FAF1: variants seen among roughly 807,000 people sequenced by gnomAD.
FAF1 encodes Fas associated factor 1, also known as FAS-associated factor 1.
FAF1 carries 25 observed loss-of-function variants against 92.5 expected under a neutral mutation model. The observed-to-expected ratio is 0.27, with a 90% confidence interval of 0.20 to 0.38. FAF1 has a LOEUF of 0.38. Ranked by LOEUF, FAF1 falls within the 10% of genes least tolerant of loss-of-function variation. The pLI is 1.00. For missense variants in FAF1, 636 were observed against 793.3 expected, an observed-to-expected ratio of 0.80 and a Z score of 2.38; for synonymous variants, 234 against 273.2, an observed-to-expected ratio of 0.86 and a Z score of 1.42.
intron 7 of FAF1, among the ~76,000 whole-genome samples, chr1:50,676,053 C>A (rs1336861570): frequency 1.3e-5 from 2 of 152,202 alleles, no homozygotes; most frequent in Admixed American, 6.5e-5. Context: ...ACATTTCACA[C>A]TGCCAGCCAT....
chr1:50,681,835 G>GT (rs1035147137), intron 7 of FAF1, among the ~76,000 whole-genome samples: 37 of 149,996 alleles, frequency 2.5e-4, no homozygotes, highest in Middle Eastern at 3.5e-3. Context: ...GTTTTTTTTG[G>GT]TTTTTTTTCC....
intron 4 of FAF1, among the ~76,000 whole-genome samples, chr1:50,769,288 T>C (rs1660692090): frequency 1.3e-5 from 2 of 152,122 alleles, no homozygotes; most frequent in African/African-American, 4.8e-5. Context: ...AAAGTGAAAT[T>C]GAATGAATAA....
chr1:50,821,513 T>C (rs917933482), intron 2 of FAF1, among the ~76,000 whole-genome samples: 1 of 152,212 alleles, frequency 6.6e-6, no homozygotes, highest in African/African-American at 2.4e-5. Context: ...CATAGAGCCT[T>C]CATAAACTCA....
At chr1:50,781,073 T>A (rs554416998) in intron 4 of FAF1, 1 of 399,058 alleles carries the variant, frequency 2.5e-6, no homozygotes, top group African/African-American at 2.1e-5. Context: ...ACAGAGGACA[T>A]TGAGTACCAG....
intron 17 of FAF1, among the ~76,000 whole-genome samples, chr1:50,481,249 C>T (rs116400034): frequency 0.024 from 3,586 of 152,106 alleles, 153 homozygotes; most frequent in African/African-American, 0.082. Context: ...TTATAAAGTC[C>T]GCTGTAATGT....
At chr1:50,910,197 A>G (rs1208535483) in intron 1 of FAF1, among the ~76,000 whole-genome samples, 1 of 152,180 alleles carries the variant, frequency 6.6e-6, no homozygotes, top group African/African-American at 2.4e-5. Flanking sequence ...GCAGAAAAGC[A>G]AATATTGCAG....
chr1:50,856,879 A>C (rs1039523247), intron 2 of FAF1, among the ~76,000 whole-genome samples: 1 of 151,940 alleles, frequency 6.6e-6, no homozygotes, highest in East Asian at 1.9e-4. Context: ...CATTAAAAAG[A>C]ATGATGAACA....
chr1:50,562,811 T>C (rs1649990023), intron 13 of FAF1, among the ~76,000 whole-genome samples: 1 of 152,248 alleles, frequency 6.6e-6, no homozygotes, highest in Non-Finnish European at 1.5e-5. Flanking sequence ...GTTTACTCAA[T>C]GAACAAACAT....
chr1:50,563,902 G>C (rs1650045943), intron 13 of FAF1, among the ~76,000 whole-genome samples: 1 of 152,180 alleles, frequency 6.6e-6, no homozygotes, highest in Non-Finnish European at 1.5e-5. Flanking sequence ...AATCATTTAA[G>C]AGGTGTAAAA....
At chr1:50,512,963 C>A (rs1647156171) in intron 15 of FAF1, among the ~76,000 whole-genome samples, 3 of 152,128 alleles carry the variant, frequency 2.0e-5, no homozygotes, top group African/African-American at 7.2e-5. Flanking sequence ...TAGGTAATCA[C>A]ACTCTAAGTG....
intron 2 of FAF1, among the ~76,000 whole-genome samples, chr1:50,829,166 T>C (rs1000375907): frequency 3.9e-5 from 6 of 151,974 alleles, no homozygotes; most frequent in Non-Finnish European, 7.4e-5. Context: ...ACTCTGCCAG[T>C]AGAGAGTAGG....
chr1:50,613,281 A>T (rs547050352), intron 8 of FAF1, among the ~76,000 whole-genome samples: 1 of 152,366 alleles, frequency 6.6e-6, no homozygotes, highest in South Asian at 2.1e-4. Flanking sequence ...AAGCATTCTG[A>T]CATGATATGG....
chr1:50,725,220 C>T (rs1658594369), intron 6 of FAF1, among the ~76,000 whole-genome samples: 1 of 152,154 alleles, frequency 6.6e-6, no homozygotes, highest in Non-Finnish European at 1.5e-5. Flanking sequence ...ACACCTAAAA[C>T]TCTAGAAGAG....
chr1:50,632,907 G>A (rs763756137), intron 8 of FAF1, among the ~76,000 whole-genome samples: 8 of 152,054 alleles, frequency 5.3e-5, no homozygotes, highest in Non-Finnish European at 5.9e-5. Context: ...GTTATTTCTC[G>A]AACTGCTTTC....
chr1:50,480,735 T>C (rs1313829866), intron 17 of FAF1, among the ~76,000 whole-genome samples: 2 of 152,228 alleles, frequency 1.3e-5, no homozygotes, highest in African/African-American at 4.8e-5. Context: ...TCCTATTGCC[T>C]AGTATTTAGT....
chr1:50,708,607 G>A (rs184861186), intron 6 of FAF1, among the ~76,000 whole-genome samples: 17 of 152,120 alleles, frequency 1.1e-4, no homozygotes, highest in African/African-American at 3.6e-4. Flanking sequence ...GTACCATATA[G>A]TCAGTTTTTA....
At chr1:50,864,530 A>G (rs1320744379) in intron 1 of FAF1, among the ~76,000 whole-genome samples, 1 of 152,098 alleles carries the variant, frequency 6.6e-6, no homozygotes, top group Non-Finnish European at 1.5e-5. Context: ...CTCAGAAATA[A>G]CACCACATAT....
In FAF1 at chr1:50,664,666, C is replaced by T. The variant is rs549632968; in HGVS notation, c.658-9138G>A. ...AAAATTAGCCAGGCATGGTGGCGGG[C>T]GCCTGTAGTCCCAGCTACTCAGGAG... On this transcript the variant is annotated intron_variant, in intron 7 of 18. Coordinates refer to ENST00000396153, the MANE Select transcript of FAF1 (RefSeq NM_007051.3). 1.2e-4 allele frequency among the ~76,000 whole-genome samples: 18 copies of T among 152,212 alleles called. No homozygotes were observed. The South Asian group carries it at 3.7e-3, about 32-fold the overall frequency.
rs188495108 is a variant in FAF1, at chr1:50,593,808, C to A, written c.840+2313G>T. 3.4e-3 allele frequency among the ~76,000 whole-genome samples: 516 copies of A among 152,220 alleles called. 2 individuals carry two copies. Among genetic ancestry groups the A allele is most frequent in the African/African-American group, 0.012 (496 of 41,538 alleles). On this transcript the variant is annotated intron_variant, in intron 9 of 18. Transcript: ENST00000396153. ...GACTACAACTTCAATTACATAACTC[C>A]ATTTCTCTTTCACATGTTTAAGTGA...
Sources: allele counts gnomAD v4.1 joint callset (sites outside exome capture counted in the v4.1 genomes callset), GRCh38; gene constraint gnomAD v4.1.1; transcripts MANE v1.5; gene names NCBI Gene and HGNC (gene_info 2026-07-23, HGNC 2026-07-21).